WWOX: variants seen among roughly 807,000 people sequenced by gnomAD.
WWOX encodes the protein WW domain containing oxidoreductase.
WWOX carries 69 observed loss-of-function variants against 46.2 expected under a neutral mutation model. The observed-to-expected ratio is 1.49, with a 90% confidence interval of 1.23 to 1.82. WWOX has a LOEUF of 1.82. WWOX is among the 40% of genes most tolerant of loss of function. WWOX has a pLI of 0.00. For synonymous variants in WWOX, 359 were observed against 202.6 expected (o/e 1.77, Z -6.56); for missense variants, 919 against 542.6 (o/e 1.69, Z -6.89).
At chr16:78,459,725 G>C (rs1011733851) in intron 8 of WWOX, among the ~76,000 whole-genome samples, 1 of 152,156 alleles carries the variant, frequency 6.6e-6, no homozygotes, top group Non-Finnish European at 1.5e-5. Context: ...AATAATACCA[G>C]TGACATGTTT....
intron 8 of WWOX, among the ~76,000 whole-genome samples, chr16:78,687,485 G>C (rs2047889957): frequency 6.6e-6 from 1 of 152,286 alleles, no homozygotes; most frequent in Middle Eastern, 3.4e-3. Context: ...ACCATTTTAT[G>C]ATGCAGCTTC....
chr16:78,255,952 C>A (rs2038118327), intron 5 of WWOX, among the ~76,000 whole-genome samples: 1 of 151,864 alleles, frequency 6.6e-6, no homozygotes, highest in African/African-American at 2.4e-5. Flanking sequence ...GGGTTTGAGA[C>A]CAGCCTGGCC....
intron 8 of WWOX, among the ~76,000 whole-genome samples, chr16:79,189,003 T>C (rs138110235): frequency 2.6e-4 from 40 of 152,060 alleles, no homozygotes; most frequent in African/African-American, 9.4e-4. Flanking sequence ...TGGAAAGCTT[T>C]TGGATTCTGT....
At chr16:78,752,484 C>T (rs1160483236) in intron 8 of WWOX, among the ~76,000 whole-genome samples, 5 of 152,132 alleles carry the variant, frequency 3.3e-5, no homozygotes, top group Non-Finnish European at 7.3e-5. Context: ...CACGGGATTT[C>T]GCCCTGTTGG....
At chr16:78,841,873 T>G (rs4888859) in intron 8 of WWOX, among the ~76,000 whole-genome samples, 3 of 152,156 alleles carry the variant, frequency 2.0e-5, no homozygotes, top group Admixed American at 2.0e-4. Flanking sequence ...TAAGGGGTTA[T>G]ACAATATTTC....
At chr16:78,725,344 C>CTTTTTTTTTTTTT (rs1220702069) in intron 8 of WWOX, among the ~76,000 whole-genome samples, 5 of 61,882 alleles carry the variant, frequency 8.1e-5, no homozygotes, top group Non-Finnish European at 1.1e-4. Context: ...CTTTTCTTTT[C>CTTTTTTTTTTTTT]TTTTTTTTTT....
intron 5 of WWOX, among the ~76,000 whole-genome samples, chr16:78,327,981 A>C (rs1324600531): frequency 6.9e-6 from 1 of 144,796 alleles, no homozygotes; most frequent in African/African-American, 2.6e-5. Flanking sequence ...GGCTCAAGCC[A>C]GCCGCCCATC....
At position 78,432,579 on chromosome 16, in the gene WWOX, A is replaced by T; in HGVS notation, c.883A>T (p.Arg295Trp). 1 of 1,614,226 alleles carries T rather than the reference A, an allele frequency of 6.2e-7. No individual in the cohort carries two copies. The highest frequency in any genetic ancestry group is 8.5e-7 in the Non-Finnish European group (1 of 1,180,046). Residue 295 changes from arginine (R) to tryptophan (W), a missense_variant, in exon 8 of 9, where the codon AGG becomes TGG. Physicochemically the swap from Arg to Trp is moderately radical, Grantham distance 101 (BLOSUM62 -3). Transcript: ENST00000566780. ...CTATTGGGCGATGCTGGCTTATAAC[A>T]GGTCCAAGCTCTGCAACATCCTCTT... ...NDYWAMLAYN[R>W]SKLCNILFSN...
At chr16:78,656,776 A>G (rs2047090657) in intron 8 of WWOX, among the ~76,000 whole-genome samples, 1 of 152,052 alleles carries the variant, frequency 6.6e-6, no homozygotes, top group Non-Finnish European at 1.5e-5. Flanking sequence ...TTCCTTCCAA[A>G]CCCAAGCGCC....
At chr16:78,575,635 A>G (rs1003747412) in intron 8 of WWOX, among the ~76,000 whole-genome samples, 6 of 152,300 alleles carry the variant, frequency 3.9e-5, no homozygotes, top group Admixed American at 2.0e-4. Flanking sequence ...ACTGTGTGCC[A>G]TTAGAGACCA....
At chr16:79,084,290 A>G (rs1397067561) in intron 8 of WWOX, among the ~76,000 whole-genome samples, 1 of 152,206 alleles carries the variant, frequency 6.6e-6, no homozygotes, top group Non-Finnish European at 1.5e-5. Context: ...GAGAAGTAGA[A>G]CTCTAAATAG....
intron 8 of WWOX, among the ~76,000 whole-genome samples, chr16:78,736,781 A>T (rs972739042): frequency 2.0e-5 from 3 of 152,048 alleles, no homozygotes; most frequent in African/African-American, 7.2e-5. Flanking sequence ...TAAATTTTTA[A>T]AAATTTTTTT....
chr16:78,631,800 A>G (rs1246678966), intron 8 of WWOX, among the ~76,000 whole-genome samples: 1 of 152,180 alleles, frequency 6.6e-6, no homozygotes, highest in Admixed American at 6.5e-5. Flanking sequence ...TGTTGGGATT[A>G]TAGGTGTGAA....
chr16:78,571,331 A>G (rs549869724), intron 8 of WWOX, among the ~76,000 whole-genome samples: 36 of 152,356 alleles, frequency 2.4e-4, no homozygotes, highest in Non-Finnish European at 4.3e-4. Context: ...GCCAAAATTC[A>G]TCATAGATGA....
At chr16:78,709,702 T>G (rs1258387591) in intron 8 of WWOX, among the ~76,000 whole-genome samples, 1 of 151,364 alleles carries the variant, frequency 6.6e-6, no homozygotes, top group African/African-American at 2.4e-5. Flanking sequence ...TGGCTTTGTG[T>G]TGGGGCCTCT....
At chr16:79,206,929 T>C (rs1401422643) in intron 8 of WWOX, among the ~76,000 whole-genome samples, 1 of 152,192 alleles carries the variant, frequency 6.6e-6, no homozygotes, top group Non-Finnish European at 1.5e-5. Context: ...AAGTGGCCTT[T>C]TGGAGCAGTT....
intron 8 of WWOX, among the ~76,000 whole-genome samples, chr16:79,066,015 G>T (rs1247026032): frequency 6.6e-6 from 1 of 152,190 alleles, no homozygotes. Context: ...GGACATTAAA[G>T]TCCAAATCCA....
At chr16:78,461,040 T>G (rs546318553) in intron 8 of WWOX, among the ~76,000 whole-genome samples, 2 of 152,310 alleles carry the variant, frequency 1.3e-5, no homozygotes, top group South Asian at 4.1e-4. Context: ...TGACACAGTG[T>G]TGGTGGTTGT....
intron 8 of WWOX, among the ~76,000 whole-genome samples, chr16:78,782,224 C>T (rs777665316): frequency 6.6e-6 from 1 of 152,178 alleles, no homozygotes; most frequent in African/African-American, 2.4e-5. Context: ...ATTGACCCCA[C>T]TGGACTTCTC....
Sources: allele counts gnomAD v4.1 joint callset (sites outside exome capture counted in the v4.1 genomes callset), GRCh38; gene constraint gnomAD v4.1.1; transcripts MANE v1.5; gene names NCBI Gene and HGNC (gene_info 2026-07-23, HGNC 2026-07-21).